Variants in PTPN13 observed in about 807,000 individuals in gnomAD.
PTPN13 encodes the protein protein tyrosine phosphatase non-receptor type 13.
PTPN13 carries 191 observed loss-of-function variants against 284.0 expected under a neutral mutation model. The ratio of observed to expected loss-of-function variants is 0.67; its 90% CI spans 0.60 to 0.76. The LOEUF is 0.76. PTPN13 is among the 30% of genes least tolerant of loss of function. The pLI is 0.00. For synonymous variants in PTPN13, 986 were observed against 1,022.3 expected (o/e 0.96, Z 0.68); for missense variants, 2,797 against 2,939.9 (o/e 0.95, Z 1.12).
At chr4:86,712,864 C>T (rs1732581901) in intron 7 of PTPN13, among the ~76,000 whole-genome samples, 1 of 151,652 alleles carries the variant, frequency 6.6e-6, no homozygotes, top group African/African-American at 2.4e-5. Context: ...TTAGTAGTGT[C>T]AGAATGAACT....
chr4:86,756,086 A>G (rs888581651), intron 20 of PTPN13, among the ~76,000 whole-genome samples: 1 of 151,828 alleles, frequency 6.6e-6, no homozygotes, highest in Admixed American at 6.6e-5. Flanking sequence ...CAAGTATCCC[A>G]ATTCCTGAAC....
At chr4:86,665,980 G>A (rs1211705905) in intron 2 of PTPN13, among the ~76,000 whole-genome samples, 3 of 152,080 alleles carry the variant, frequency 2.0e-5, no homozygotes, top group African/African-American at 4.8e-5. Context: ...GCCAGGAACC[G>A]TTCTAAGTCT....
At chr4:86,610,432 G>C (rs1276722864) in intron 1 of PTPN13, among the ~76,000 whole-genome samples, 1 of 152,158 alleles carries the variant, frequency 6.6e-6, no homozygotes, top group Non-Finnish European at 1.5e-5. Context: ...TAGTTTGTTA[G>C]AATATTATTA....
intron 12 of PTPN13, among the ~76,000 whole-genome samples, chr4:86,733,790 A>T (rs1735206634): frequency 6.6e-6 from 1 of 152,194 alleles, no homozygotes; most frequent in Non-Finnish European, 1.5e-5. Context: ...AGTAAATAAT[A>T]GTTAACTAAT....
At chr4:86,660,343 G>A (rs1238082021) in intron 2 of PTPN13, among the ~76,000 whole-genome samples, 3 of 151,376 alleles carry the variant, frequency 2.0e-5, no homozygotes, top group South Asian at 4.2e-4. Context: ...TAAGTAACAC[G>A]ATTAAAGCAT....
Position 86,732,665 on chromosome 4 carries a change from T to C in PTPN13, c.1757T>C (p.Leu586Pro). ...CTTCTGAACGGGCAAAGACTGGAAC[T>C]GACCTGTGATACCAAAACTATATGT... Reference protein sequence around the residue: ...IMLLNGQRLELTCDTKTICKD... With the variant: ...IMLLNGQRLEPTCDTKTICKD... The change falls in exon 12 of 48, where the codon CTG (leucine) becomes CCG (proline). Residue 586 changes from leucine to proline, a missense_variant. By Grantham distance (98) the Leu-to-Pro change is moderately conservative. Transcript: ENST00000411767. 1 of 1,613,678 alleles carries C rather than the reference T, an allele frequency of 6.2e-7. No individual in the cohort carries two copies. The highest frequency in any genetic ancestry group is 8.5e-7 in the Non-Finnish European group (1 of 1,179,688).
intron 7 of PTPN13, among the ~76,000 whole-genome samples, chr4:86,706,767 A>G (rs17012010): frequency 0.049 from 7,517 of 152,308 alleles, 256 homozygotes; most frequent in African/African-American, 0.071. Context: ...AACTTTTCAG[A>G]TAGTTCTCTA....
At chr4:86,785,131 T>C (rs1478579179) in intron 38 of PTPN13, 100 bp from the exon 39 acceptor site, 5 of 910,794 alleles carry the variant, frequency 5.5e-6, no homozygotes, top group Non-Finnish European at 6.3e-6. Flanking sequence ...ATTGGTTGCT[T>C]AAAATTTGAA....
chr4:86,707,634 A>G (rs1241761863), intron 7 of PTPN13, among the ~76,000 whole-genome samples: 7 of 151,704 alleles, frequency 4.6e-5, no homozygotes, highest in Non-Finnish European at 8.8e-5. Flanking sequence ...TTTTATGGAG[A>G]TATATATATT....
intron 2 of PTPN13, among the ~76,000 whole-genome samples, chr4:86,638,309 C>A (rs917817091): frequency 6.4e-4 from 98 of 152,048 alleles, no homozygotes; most frequent in African/African-American, 1.5e-3. Flanking sequence ...GACTTTCTTC[C>A]CAGAATAGGA....
chr4:86,641,266 C>T (rs916721944), intron 2 of PTPN13, among the ~76,000 whole-genome samples: 4 of 151,878 alleles, frequency 2.6e-5, no homozygotes, highest in African/African-American at 7.3e-5. Context: ...GGGAAAATAG[C>T]AGGTAAAGTA....
In PTPN13 at chr4:86,594,580, G is replaced by GCT. The variant is rs1392360438; in HGVS notation, c.-214_-213insTC. The GCT allele has an allele frequency of 6.5e-6, 1 of 152,690 alleles. No homozygotes were observed. The highest frequency in any genetic ancestry group is 1.9e-4 in the East Asian group (1 of 5,152). 9.5% of individuals were successfully genotyped at this position (152,690 alleles called of 1,614,324 possible). ...ATCGCCGCTGGGGAGCGTTTCCGAG[G>GCT]CGAGGAGGAGGAGGAGGAGATGCTG... On this transcript the variant is annotated 5_prime_UTR_variant, in exon 1 of 48. Coordinates refer to ENST00000411767, the MANE Select transcript of PTPN13 (RefSeq NM_080683.3).
chr4:86,666,029 C>A lies in PTPN13; in HGVS notation c.116-6336C>A, dbSNP rs1443708660. On this transcript the variant is annotated intron_variant, in intron 2 of 47. Transcript: ENST00000411767. Reference sequence around the variant, plus strand: ...TTGTTTTTTTCTTTAATCCTCACAGCAGCCTTACCTATGATGTAACAATGA... The same window carrying A: ...TTGTTTTTTTCTTTAATCCTCACAGAAGCCTTACCTATGATGTAACAATGA... Among the ~76,000 whole-genome samples, 5 of 152,230 alleles carry A rather than the reference C, an allele frequency of 3.3e-5. No homozygotes were observed. In the East Asian group the frequency reaches 9.6e-4, roughly 29 times the overall value.
rs200893094 is a variant in PTPN13 at position 86,701,327 on chromosome 4, A to T, written c.721A>T (p.Met241Leu). The T allele has an allele frequency of 1.5e-5, 24 of 1,612,558 alleles. No individual in the cohort carries two copies. In the African/African-American group the frequency reaches 3.1e-4, roughly 21 times the overall value. Reference protein sequence around the residue: ...TFLNKGLSKSMGFLSIKDTQD... With the variant: ...TFLNKGLSKSLGFLSIKDTQD... ...TCTTAACAAAGGGCTTAGTAAATCT[A>T]TGGGATTTCTGTCCATCAAAGATAC... The change falls in exon 7 of 48, where the codon ATG (methionine) becomes TTG (leucine). Residue 241 changes from methionine (M) to leucine (L), a missense_variant. Coordinates refer to ENST00000411767, the MANE Select transcript of PTPN13 (RefSeq NM_080683.3).
chr4:86,598,739 G>C (rs1764043503), intron 1 of PTPN13, among the ~76,000 whole-genome samples: 1 of 151,792 alleles, frequency 6.6e-6, no homozygotes, highest in Non-Finnish European at 1.5e-5. Context: ...CTGTACCTTA[G>C]AATCACCTGG....
intron 37 of PTPN13, among the ~76,000 whole-genome samples, chr4:86,782,689 C>A (rs558302739): frequency 1.3e-4 from 19 of 151,642 alleles, no homozygotes; most frequent in Admixed American, 2.6e-4. Context: ...ACAGAAGTAG[C>A]AAAAAAATAA....
intron 6 of PTPN13, among the ~76,000 whole-genome samples, chr4:86,693,994 CTAAA>C (rs965369107): frequency 1.3e-4 from 20 of 151,752 alleles, no homozygotes; most frequent in Admixed American, 4.6e-4. Flanking sequence ...TAAAGCATGA[CTAAA>C]TAAACACATG....
intron 40 of PTPN13, among the ~76,000 whole-genome samples, chr4:86,788,125 A>G (rs1444715922): frequency 6.6e-6 from 1 of 152,210 alleles, no homozygotes; most frequent in African/African-American, 2.4e-5. Flanking sequence ...GGGATCTTAG[A>G]TTAAAACATT....
chr4:86,801,552 C>T (rs1045332959), intron 42 of PTPN13, among the ~76,000 whole-genome samples: 1 of 152,082 alleles, frequency 6.6e-6, no homozygotes, highest in African/African-American at 2.4e-5. Context: ...ATTTGAGAAC[C>T]TAAGAAGCAC....
Sources: allele counts gnomAD v4.1 joint callset (sites outside exome capture counted in the v4.1 genomes callset), GRCh38; gene constraint gnomAD v4.1.1; transcripts MANE v1.5; gene names NCBI Gene and HGNC (gene_info 2026-07-23, HGNC 2026-07-21).